Variants in CTNNA3 observed in about 807,000 individuals in gnomAD.
The protein encoded by CTNNA3 is catenin alpha-3.
Under a neutral mutation model 95.7 loss-of-function variants are expected in CTNNA3, and 76 were observed. The observed-to-expected ratio is 0.79, with a 90% CI of 0.66 to 0.96. CTNNA3 has a LOEUF of 0.96. Among genes scored for constraint, CTNNA3 ranks in the 40% least tolerant of loss-of-function variants. The pLI is 0.00. For missense variants in CTNNA3, 1,191 were observed against 1,089.8 expected (o/e 1.09, Z -1.31); for synonymous variants, 431 against 374.4 (o/e 1.15, Z -1.74).
chr10:67,699,150 C>T (rs2133600749), upstream of CTNNA3, among the ~76,000 whole-genome samples: 1 of 152,268 alleles, frequency 6.6e-6, no homozygotes, highest in African/African-American at 2.4e-5. Context: ...TGCATTATCA[C>T]CCTTTCTCCA....
chr10:66,726,370 A>G (rs895812823), intron 9 of CTNNA3, among the ~76,000 whole-genome samples: 16 of 152,088 alleles, frequency 1.1e-4, no homozygotes, highest in Admixed American at 7.2e-4. Context: ...ACATAAAATT[A>G]TATGCCAATC....
intron 1 of CTNNA3, among the ~76,000 whole-genome samples, chr10:67,755,291 T>C (rs1841426826): frequency 6.6e-6 from 1 of 151,734 alleles, no homozygotes; most frequent in Admixed American, 6.6e-5. Context: ...AAAACTACAA[T>C]GAGATATCAT....
At chr10:66,223,752 C>T (rs576180575) in intron 13 of CTNNA3, among the ~76,000 whole-genome samples, 5 of 152,282 alleles carry the variant, frequency 3.3e-5, no homozygotes, top group African/African-American at 9.6e-5. Context: ...TTATTGACCA[C>T]AGGGTGCCAG....
At chr10:66,741,920 C>T (rs901453986) in intron 9 of CTNNA3, among the ~76,000 whole-genome samples, 1 of 152,048 alleles carries the variant, frequency 6.6e-6, no homozygotes, top group Non-Finnish European at 1.5e-5. Context: ...ATGTATGTCG[C>T]CTCAGGACCC....
At chr10:66,383,600 A>G (rs1340928729) in intron 11 of CTNNA3, among the ~76,000 whole-genome samples, 1 of 152,174 alleles carries the variant, frequency 6.6e-6, no homozygotes, top group Non-Finnish European at 1.5e-5. Context: ...AGAGAACACC[A>G]CAAAGATACT....
intron 5 of CTNNA3, among the ~76,000 whole-genome samples, chr10:67,394,941 T>C (rs1844661090): frequency 6.6e-6 from 1 of 152,170 alleles, no homozygotes; most frequent in African/African-American, 2.4e-5. Context: ...AAAAACATGA[T>C]ATACTACATC....
rs145315576 is a variant in CTNNA3 at position 67,185,181 on chromosome 10, T to C, written c.844-4661A>G. Among the ~76,000 whole-genome samples, 278 of 152,174 alleles carry C rather than the reference T, an allele frequency of 1.8e-3. 1 individual carries two copies. Among genetic ancestry groups the C allele is most frequent in the Middle Eastern group, 0.01 (3 of 294 alleles). Reference sequence around the variant, plus strand: ...GTCTCACTCTGTTGCCAGGCTTGAGTGCAGTGGCGCGATCTCGGCTCACTG... The same window carrying C: ...GTCTCACTCTGTTGCCAGGCTTGAGCGCAGTGGCGCGATCTCGGCTCACTG... On this transcript the variant is annotated intron_variant, in intron 6 of 17. Coordinates refer to ENST00000433211, the MANE Select transcript of CTNNA3 (RefSeq NM_013266.4).
chr10:66,233,593 T>C (rs546588325), intron 13 of CTNNA3, among the ~76,000 whole-genome samples: 1 of 152,208 alleles, frequency 6.6e-6, no homozygotes, highest in East Asian at 1.9e-4. Flanking sequence ...ATCAAGAAAA[T>C]GCATATTACA....
At chr10:66,529,378 C>A (rs375929697) in intron 10 of CTNNA3, among the ~76,000 whole-genome samples, 1 of 151,162 alleles carries the variant, frequency 6.6e-6, no homozygotes, top group East Asian at 1.9e-4. Context: ...GTGATCCACC[C>A]GCCTTGGCCT....
chr10:66,644,288 G>C (rs201965804), intron 9 of CTNNA3, among the ~76,000 whole-genome samples: 24 of 78,400 alleles, frequency 3.1e-4, no homozygotes, highest in African/African-American at 1.5e-3. Flanking sequence ...CTGTCTGTCT[G>C]TCTGTCTCTC....
chr10:66,695,914 T>TA (rs1847741995), intron 9 of CTNNA3, among the ~76,000 whole-genome samples: 1 of 33,320 alleles, frequency 3.0e-5, no homozygotes, highest in African/African-American at 1.2e-4. Context: ...GAAAGAGACG[T>TA]AAGGGGGGGG....
At chr10:67,729,215 T>C (rs1841261199) in intron 1 of CTNNA3, among the ~76,000 whole-genome samples, 1 of 152,170 alleles carries the variant, frequency 6.6e-6, no homozygotes, top group South Asian at 2.1e-4. Flanking sequence ...ATTCTCCATG[T>C]AATTCCACCC....
At chr10:66,644,766 TG>T (rs1845647299) in intron 9 of CTNNA3, among the ~76,000 whole-genome samples, 2 of 152,028 alleles carry the variant, frequency 1.3e-5, no homozygotes, top group Non-Finnish European at 2.9e-5. Flanking sequence ...GTGGTATGGG[TG>T]GGTGTGCAAT....
chr10:65,945,188 A>G (rs1179495340), intron 17 of CTNNA3, among the ~76,000 whole-genome samples: 3 of 152,084 alleles, frequency 2.0e-5, no homozygotes, highest in Non-Finnish European at 2.9e-5. Flanking sequence ...TGAGAGGGAG[A>G]GAAGACATGA....
intron 7 of CTNNA3, among the ~76,000 whole-genome samples, chr10:67,173,340 A>G (rs1443661846): frequency 2.0e-5 from 3 of 152,168 alleles, no homozygotes; most frequent in Non-Finnish European, 4.4e-5. Context: ...TATGCCATCA[A>G]TGATTGACAG....
chr10:66,300,841 A>G (rs896132459), intron 12 of CTNNA3, among the ~76,000 whole-genome samples: 3 of 152,084 alleles, frequency 2.0e-5, no homozygotes, highest in African/African-American at 4.8e-5. Context: ...GCAAAAATCA[A>G]TGAATTTGGA....
intron 3 of CTNNA3, among the ~76,000 whole-genome samples, chr10:67,603,699 A>G (rs895129889): frequency 6.6e-6 from 1 of 152,152 alleles, no homozygotes; most frequent in Admixed American, 6.5e-5. Flanking sequence ...ATGTGTTTTA[A>G]TCTAAGTATT....
intron 13 of CTNNA3, among the ~76,000 whole-genome samples, chr10:66,228,942 G>A (rs1474699772): frequency 1.3e-5 from 2 of 151,984 alleles, no homozygotes; most frequent in African/African-American, 2.4e-5. Flanking sequence ...TCTGATATAA[G>A]TATAGCTACT....
In CTNNA3 at chr10:66,515,710, T is replaced by C. The variant is rs968670882; in HGVS notation, c.1531+4907A>G. On this transcript the variant is annotated intron_variant, in intron 11 of 17. Coordinates refer to ENST00000433211, the MANE Select transcript of CTNNA3 (RefSeq NM_013266.4). ...AGCAAACACATCCTTTTTCACATCA[T>C]GGCAGGAAGGAGAATGAGAGCCCAG... Among the ~76,000 whole-genome samples the C allele has an allele frequency of 2.0e-5, 3 of 152,056 alleles. No homozygotes were observed. In the South Asian group the frequency reaches 6.2e-4, roughly 32 times the overall value.
Sources: gnomAD v4.1 joint callset for allele counts (sites outside exome capture counted in the v4.1 genomes callset) on GRCh38, gnomAD v4.1.1 for gene constraint, MANE v1.5 for transcripts, NCBI Gene and HGNC (gene_info 2026-07-23, HGNC 2026-07-21) for gene names.